The following SEZ6L variants were observed in gnomAD, a reference collection of about 807,000 sequenced individuals.
SEZ6L encodes seizure related 6 homolog like, also known as seizure 6-like protein.
A neutral mutation model predicts 106.2 loss-of-function variants in SEZ6L; 37 were observed. That is an observed-to-expected ratio of 0.35 (90% CI 0.27 to 0.46). The LOEUF (loss-of-function observed/expected upper bound fraction) is 0.46. Ranked by LOEUF, SEZ6L falls within the 20% of genes least tolerant of loss-of-function variation. SEZ6L has a pLI of 1.00. For synonymous variants in SEZ6L, 541 were observed against 570.4 expected (o/e 0.95, Z 0.73); for missense variants, 1,172 against 1,332.8 (o/e 0.88, Z 1.88).
At chr22:26,181,282 A>T (rs1569357890) in intron 1 of SEZ6L, among the ~76,000 whole-genome samples, 2 of 152,228 alleles carry the variant, frequency 1.3e-5, no homozygotes, top group African/African-American at 4.8e-5. Context: ...AGGAAGAAGG[A>T]CAGAGCTCCC....
intron 3 of SEZ6L, among the ~76,000 whole-genome samples, chr22:26,296,664 C>T (rs1212762270): frequency 2.0e-5 from 3 of 152,242 alleles, no homozygotes; most frequent in African/African-American, 7.2e-5. Flanking sequence ...TGCAATGCCT[C>T]TGCCTTGCAG....
chr22:26,217,779 A>G (rs1273660634), intron 1 of SEZ6L, among the ~76,000 whole-genome samples: 2 of 152,202 alleles, frequency 1.3e-5, no homozygotes, highest in East Asian at 3.9e-4. Context: ...CCTCCTCCTC[A>G]AGGAATTTCC....
chr22:26,315,495 T>C (rs2145931117), intron 9 of SEZ6L, among the ~76,000 whole-genome samples: 1 of 151,108 alleles, frequency 6.6e-6, no homozygotes, highest in South Asian at 2.1e-4. Flanking sequence ...AAAAGAAGTG[T>C]CCCCAGAGGC....
At chr22:26,249,012 G>A (rs548887560) in intron 1 of SEZ6L, among the ~76,000 whole-genome samples, 2 of 152,238 alleles carry the variant, frequency 1.3e-5, no homozygotes, top group African/African-American at 4.8e-5. Context: ...TCTTCTGGTT[G>A]CACTAAAACT....
chr22:26,297,995 A>G (rs1415028053), intron 4 of SEZ6L, among the ~76,000 whole-genome samples: 1 of 152,140 alleles, frequency 6.6e-6, no homozygotes, highest in African/African-American at 2.4e-5. Flanking sequence ...GGATTCGTGA[A>G]CCATGCAACC....
intron 1 of SEZ6L, among the ~76,000 whole-genome samples, chr22:26,260,000 C>G (rs2079946894): frequency 6.6e-6 from 1 of 152,138 alleles, no homozygotes; most frequent in Admixed American, 6.5e-5. Context: ...TACAACTACC[C>G]ACCTCCCATA....
At chr22:26,180,464 T>A (rs565871379) in intron 1 of SEZ6L, among the ~76,000 whole-genome samples, 57 of 152,240 alleles carry the variant, frequency 3.7e-4, no homozygotes, top group Non-Finnish European at 6.9e-4. Context: ...AATGAGTGAA[T>A]GGATGAATCA....
chr22:26,228,728 CA>C (rs1261457981), intron 1 of SEZ6L, among the ~76,000 whole-genome samples: 2 of 152,168 alleles, frequency 1.3e-5, no homozygotes, highest in Non-Finnish European at 2.9e-5. Context: ...ACAATAACAC[CA>C]TGGGTTAGGA....
chr22:26,230,378 C>T (rs560651888), intron 1 of SEZ6L, among the ~76,000 whole-genome samples: 34 of 152,120 alleles, frequency 2.2e-4, no homozygotes, highest in Middle Eastern at 3.4e-3. Flanking sequence ...TGCACTGTCT[C>T]TCTCGTGCTT....
chr22:26,269,488 C>T (rs1021470636), intron 1 of SEZ6L, among the ~76,000 whole-genome samples: 6 of 152,156 alleles, frequency 3.9e-5, no homozygotes, highest in South Asian at 4.1e-4. Context: ...ACCCTAACCT[C>T]GTTGTTTGCT....
intron 1 of SEZ6L, among the ~76,000 whole-genome samples, chr22:26,223,325 A>G (rs2078535379): frequency 6.6e-6 from 1 of 152,228 alleles, no homozygotes; most frequent in Non-Finnish European, 1.5e-5. Context: ...TCCAGAATTA[A>G]TGATATTTCA....
At chr22:26,322,096 A>G (rs1295229399) in intron 9 of SEZ6L, among the ~76,000 whole-genome samples, 1 of 152,236 alleles carries the variant, frequency 6.6e-6, no homozygotes, top group African/African-American at 2.4e-5. Context: ...AGAGATAATT[A>G]CAGAAGGGTA....
chr22:26,241,405 T>G (rs2079127253), intron 1 of SEZ6L: 1 of 152,126 alleles, frequency 6.6e-6, no homozygotes, highest in Non-Finnish European at 1.5e-5. Flanking sequence ...CTCCAAGGGA[T>G]GCAGCACTGG....
At chr22:26,252,170 A>G (rs1327324626) in intron 1 of SEZ6L, among the ~76,000 whole-genome samples, 1 of 152,136 alleles carries the variant, frequency 6.6e-6, no homozygotes, top group East Asian at 1.9e-4. Context: ...CAGGTGTCTC[A>G]TGTGCACATT....
At chr22:26,221,614 C>T (rs779560290) in intron 1 of SEZ6L, among the ~76,000 whole-genome samples, 4 of 152,222 alleles carry the variant, frequency 2.6e-5, no homozygotes, top group African/African-American at 9.6e-5. Context: ...CAATGGCTAT[C>T]ATTACTATTG....
At chr22:26,304,366 AAAGAAGAAAG>A (rs2081552363) in intron 5 of SEZ6L, among the ~76,000 whole-genome samples, 1 of 85,318 alleles carries the variant, frequency 1.2e-5, no homozygotes, top group South Asian at 3.2e-4. Context: ...AAAAAAAAAG[AAAGAAGAAAG>A]AAAGAAAGAA....
chr22:26,332,645 A>G (rs1432718509), intron 9 of SEZ6L, among the ~76,000 whole-genome samples: 2 of 152,000 alleles, frequency 1.3e-5, no homozygotes, highest in South Asian at 4.1e-4. Context: ...TGGGGGTTTC[A>G]CTATATTGCC....
chr22:26,300,096 T>G (rs182949389), intron 5 of SEZ6L, among the ~76,000 whole-genome samples: 9 of 152,368 alleles, frequency 5.9e-5, no homozygotes, highest in African/African-American at 2.2e-4. Flanking sequence ...CATCTTTTCA[T>G]GTATGTGTTG....
intron 3 of SEZ6L, among the ~76,000 whole-genome samples, chr22:26,295,902 G>A (rs1468521319): frequency 6.6e-6 from 1 of 152,174 alleles, no homozygotes; most frequent in Admixed American, 6.5e-5. Context: ...GGCAATCAGG[G>A]AAGGTCTCAT....
Sources: gnomAD v4.1 joint callset for allele counts (sites outside exome capture counted in the v4.1 genomes callset) on GRCh38, gnomAD v4.1.1 for gene constraint, MANE v1.5 for transcripts, NCBI Gene and HGNC (gene_info 2026-07-23, HGNC 2026-07-21) for gene names.